CYRIB: variants seen among roughly 807,000 people sequenced by gnomAD.
The protein encoded by CYRIB is CYFIP related Rac1 interactor B.
In CYRIB, 8 loss-of-function variants were observed where a neutral mutation model predicts 44.2. That is an observed-to-expected ratio of 0.18 (90% CI 0.11 to 0.33). The LOEUF is 0.33. Among genes scored for constraint, CYRIB ranks in the 10% least tolerant of loss-of-function variants. The pLI, the probability that CYRIB is intolerant of heterozygous loss-of-function variation, is 1.00. For missense variants in CYRIB, 185 were observed against 382.8 expected (o/e 0.48, Z 4.31); for synonymous variants, 131 against 127.2 (o/e 1.03, Z -0.20).
chr8:129,883,608 A>C (rs1490411598), intron 2 of CYRIB, among the ~76,000 whole-genome samples: 6 of 152,116 alleles, frequency 3.9e-5, no homozygotes, highest in African/African-American at 7.2e-5. Flanking sequence ...CAAAAACCAA[A>C]CAAACAAACA....
At chr8:130,001,531 T>C (rs532299210) in intron 1 of CYRIB, among the ~76,000 whole-genome samples, 6 of 147,696 alleles carry the variant, frequency 4.1e-5, no homozygotes, top group South Asian at 2.2e-4. Flanking sequence ...ATTTCTTTTT[T>C]TTTTTTTTTT....
intron 1 of CYRIB, among the ~76,000 whole-genome samples, chr8:129,992,340 G>A (rs1034566033): frequency 6.6e-6 from 1 of 152,096 alleles, no homozygotes; most frequent in African/African-American, 2.4e-5. Flanking sequence ...TTAAAAATCT[G>A]ATACAATCTG....
chr8:129,924,291 CGGG>C (rs796090081), intron 1 of CYRIB, among the ~76,000 whole-genome samples: 12 of 1,418 alleles, frequency 8.5e-3, no homozygotes, highest in African/African-American at 0.017. Flanking sequence ...AAAAAAAAAC[CGGG>C]GGGGGGGGGG....
At chr8:130,010,490 T>C (rs1037276163) in intron 1 of CYRIB, among the ~76,000 whole-genome samples, 1 of 152,162 alleles carries the variant, frequency 6.6e-6, no homozygotes, top group Non-Finnish European at 1.5e-5. Flanking sequence ...ACTCTGAGTA[T>C]GGGGTTTCTG....
At chr8:129,896,438 G>C (rs1055806652) in intron 2 of CYRIB, among the ~76,000 whole-genome samples, 5 of 152,182 alleles carry the variant, frequency 3.3e-5, no homozygotes, top group African/African-American at 1.2e-4. Flanking sequence ...CATTAAAGCT[G>C]GCCTGGACAG....
At chr8:129,904,048 C>T (rs532670447) in intron 1 of CYRIB, among the ~76,000 whole-genome samples, 57 of 152,264 alleles carry the variant, frequency 3.7e-4, no homozygotes, top group African/African-American at 1.4e-3. Context: ...GCCACCATGC[C>T]GGGCTTGGTT....
At chr8:129,954,637 T>G (rs1225242922) in intron 2 of CYRIB, among the ~76,000 whole-genome samples, 1 of 152,202 alleles carries the variant, frequency 6.6e-6, no homozygotes, top group Non-Finnish European at 1.5e-5. Flanking sequence ...TTCAATCTAA[T>G]ATTTTTGCTT....
At chr8:129,943,489 G>A (rs1423543392), upstream of CYRIB, among the ~76,000 whole-genome samples, 1 of 151,722 alleles carries the variant, frequency 6.6e-6, no homozygotes, top group African/African-American at 2.4e-5. Flanking sequence ...CAGCTACTTG[G>A]GAGGCTGAGG....
intron 1 of CYRIB, among the ~76,000 whole-genome samples, chr8:130,006,571 C>T (rs1464274191): frequency 2.3e-5 from 1 of 42,802 alleles, no homozygotes; most frequent in Non-Finnish European, 5.4e-5. Context: ...ATGGTAAAAC[C>T]CCGTCTCTAC....
intron 1 of CYRIB, among the ~76,000 whole-genome samples, chr8:129,920,516 G>GTT (rs1033864800): frequency 2.6e-5 from 4 of 152,018 alleles, no homozygotes; most frequent in African/African-American, 9.7e-5. Context: ...AAACATCTTA[G>GTT]TTTAAATGAT....
At position 129,997,079 on chromosome 8, in the gene CYRIB, AG is replaced by A. The variant is rs1486278637; in HGVS notation, c.-296+19290del. ...GAGGGAGGGAGGGAGGGAGGGAGGG[AG>A]GGAGGGAAGGAGGGAGGGAAGGAAG... is the stretch of plus-strand genomic sequence containing the variant. On this transcript the variant is annotated intron_variant, in intron 1 of 14. Coordinates refer to the CYRIB transcript ENST00000401979. Among the ~76,000 whole-genome samples the A allele has an allele frequency of 1.2e-4, 12 of 96,170 alleles. No homozygotes were observed. In the East Asian group the frequency reaches 3.8e-3, roughly 30 times the overall value. 63.1% of individuals were successfully genotyped at this position (96,170 alleles called of 152,430 possible). A position where few individuals can be genotyped will look rare whatever the true frequency, so the allele number is the denominator to read the frequency against.
intron 1 of CYRIB, among the ~76,000 whole-genome samples, chr8:129,924,531 G>A (rs771109986): frequency 1.1e-4 from 16 of 152,132 alleles, no homozygotes; most frequent in Admixed American, 9.8e-4. Flanking sequence ...CCCGTGGGAT[G>A]TAACTATAAA....
chr8:129,854,289 G>T, exon 7 of CYRIB: 1 of 1,610,310 alleles, frequency 6.2e-7, no homozygotes, highest in South Asian at 1.1e-5. Context: ...ATCCTCATAC[G>T]ACTCAATGTT....
At chr8:129,960,670 G>T (rs1285145225) in intron 2 of CYRIB, among the ~76,000 whole-genome samples, 1 of 102,500 alleles carries the variant, frequency 9.8e-6, no homozygotes, top group African/African-American at 3.8e-5. Flanking sequence ...AAAAAAAAAA[G>T]GCTGGGCATG....
chr8:129,940,118 C>T (rs570912385), upstream of CYRIB, among the ~76,000 whole-genome samples: 16 of 152,302 alleles, frequency 1.1e-4, 1 homozygote, highest in South Asian at 3.1e-3. Flanking sequence ...TGGGGTCTTC[C>T]AGCCTTCCAG....
At chr8:129,843,313 A>C (rs1203161399) in intron 11 of CYRIB, among the ~76,000 whole-genome samples, 1 of 152,156 alleles carries the variant, frequency 6.6e-6, no homozygotes, top group African/African-American at 2.4e-5. Flanking sequence ...TAAGCAGGAG[A>C]GGGGTGTGCT....
chr8:129,944,129 G>T (rs115945471), upstream of CYRIB, among the ~76,000 whole-genome samples: 937 of 152,142 alleles, frequency 6.2e-3, 9 homozygotes, highest in African/African-American at 0.022. Flanking sequence ...AACCAAGGGA[G>T]ACACATAATC....
At position 130,007,898 on chromosome 8, in the gene CYRIB, G is replaced by C. The variant is rs185171563; in HGVS notation, c.-296+8472C>G. On this transcript the variant is annotated intron_variant, in intron 1 of 14. Transcript: ENST00000401979. ...TCACAGAAACCCACGACGTGATCCT[G>C]ATGGGAGCCCTGTTAAGAGGGGCTT... is the stretch of plus-strand genomic sequence containing the variant. Among the ~76,000 whole-genome samples, 614 of 151,120 alleles carry C rather than the reference G, an allele frequency of 4.1e-3. 1 individual carries two copies. The highest frequency in any genetic ancestry group is 0.014 in the African/African-American group (590 of 41,190).
intron 9 of CYRIB, chr8:129,849,633 C>G: frequency 3.2e-6 from 1 of 313,622 alleles, no homozygotes. Context: ...CCTTTGATCT[C>G]TAAAAGGTAT....
Sources: allele counts gnomAD v4.1 joint callset (sites outside exome capture counted in the v4.1 genomes callset), GRCh38; gene constraint gnomAD v4.1.1; transcripts MANE v1.5; gene names NCBI Gene and HGNC (gene_info 2026-07-23, HGNC 2026-07-21).